Variants in ELAVL1 observed in about 807,000 individuals in gnomAD.
The protein encoded by ELAVL1 is ELAV-like protein 1.
Under a neutral mutation model 28.4 loss-of-function variants are expected in ELAVL1, and 1 was observed. The observed-to-expected ratio is 0.04, with a 90% confidence interval of 0.01 to 0.17. The LOEUF (loss-of-function observed/expected upper bound fraction) is 0.17. Ranked by LOEUF, ELAVL1 falls within the 10% of genes least tolerant of loss-of-function variation. ELAVL1 has a pLI of 1.00. For missense variants in ELAVL1, 157 were observed against 447.2 expected, an observed-to-expected ratio of 0.35 and a Z score of 5.85; for synonymous variants, 174 against 183.5, an observed-to-expected ratio of 0.95 and a Z score of 0.42.
chr19:7,999,622 G>C (rs2081060678), intron 1 of ELAVL1, among the ~76,000 whole-genome samples: 1 of 152,036 alleles, frequency 6.6e-6, no homozygotes, highest in African/African-American at 2.4e-5. Context: ...CTGGCTCTCA[G>C]ACCAGGCTGG....
chr19:7,978,118 G>A (rs935538719), intron 3 of ELAVL1, among the ~76,000 whole-genome samples: 4 of 152,226 alleles, frequency 2.6e-5, no homozygotes, highest in Non-Finnish European at 4.4e-5. Context: ...ATGGACCATG[G>A]GCCAGTGACC....
intron 2 of ELAVL1, among the ~76,000 whole-genome samples, chr19:7,987,272 G>A (rs899496937): frequency 6.6e-6 from 1 of 152,188 alleles, no homozygotes; most frequent in African/African-American, 2.4e-5. Context: ...GACAGAAGCC[G>A]TGAATGGGGC....
chr19:7,963,597 A>G lies in ELAVL1; in HGVS notation c.867T>C (p.Phe289=). 5.0e-6 allele frequency: 8 copies of G among 1,614,280 alleles called. No homozygotes were observed. The highest frequency in any genetic ancestry group is 6.8e-6 in the Non-Finnish European group (8 of 1,180,046). Residue 289 remains phenylalanine (F), a synonymous_variant, in exon 6 of 6, where the codon TTT becomes TTC. Transcript: ENST00000407627. This position sits in a 1 kb window ranked among gnomAD's most constrained non-coding sequence, Gnocchi z 4.5. The stretch of plus-strand genomic sequence containing the variant: ...CTTCTTCATAGTTTGTCATGGTCAC[A>G]AAGCCAAACCCTTTGCACTTGTTGG... The part of the protein sequence containing the change: ...FNTNKCKGFG[F]VTMTNYEEAA...
At chr19:7,978,845 G>A (rs1421022030) in intron 3 of ELAVL1, among the ~76,000 whole-genome samples, 3 of 152,174 alleles carry the variant, frequency 2.0e-5, no homozygotes, top group Admixed American at 6.5e-5. Context: ...GGTGACTGGT[G>A]TCAGAATAGA....
chr19:7,973,229 CT>C (rs758693392), intron 4 of ELAVL1: 1,969 of 139,588 alleles, frequency 0.014, 13 homozygotes, highest in Middle Eastern at 0.058. Flanking sequence ...TAATCCCCAG[CT>C]TTTTTTTTTT....
chr19:7,984,932 G>A (rs921807005), intron 2 of ELAVL1, among the ~76,000 whole-genome samples: 18 of 152,190 alleles, frequency 1.2e-4, no homozygotes, highest in Non-Finnish European at 2.2e-4. Context: ...GAGGTGGGGG[G>A]GTTGCCAGTT....
intron 2 of ELAVL1, among the ~76,000 whole-genome samples, chr19:7,984,782 G>C (rs541865743): frequency 2.6e-5 from 4 of 152,236 alleles, no homozygotes; most frequent in Non-Finnish European, 5.9e-5. Context: ...CGCTGGGTGA[G>C]GCCATCACTG....
intron 2 of ELAVL1, among the ~76,000 whole-genome samples, chr19:7,989,621 C>T (rs1050112281): frequency 2.6e-5 from 4 of 152,194 alleles, no homozygotes; most frequent in African/African-American, 9.7e-5. Context: ...AATTCCCTTC[C>T]ACCAGAAAGA....
At chr19:7,970,130 G>A (rs952817878) in intron 4 of ELAVL1, among the ~76,000 whole-genome samples, 1 of 151,956 alleles carries the variant, frequency 6.6e-6, no homozygotes, top group Non-Finnish European at 1.5e-5. Flanking sequence ...CTGCCACCAT[G>A]CCTGGCTAAT....
At chr19:7,971,097 T>C (rs953730653) in intron 4 of ELAVL1, among the ~76,000 whole-genome samples, 1 of 152,174 alleles carries the variant, frequency 6.6e-6, no homozygotes, top group South Asian at 2.1e-4. Context: ...TTAGGCCACC[T>C]TGAGGTTCAC....
intron 1 of ELAVL1, among the ~76,000 whole-genome samples, chr19:8,002,569 G>C (rs1407188176): frequency 1.3e-5 from 2 of 152,232 alleles, no homozygotes; most frequent in Non-Finnish European, 2.9e-5. Context: ...ACCTAGGGGC[G>C]CCAGCCGGGC....
chr19:7,976,340 T>C (rs1219938826), intron 3 of ELAVL1, among the ~76,000 whole-genome samples: 1 of 151,328 alleles, frequency 6.6e-6, no homozygotes, highest in Non-Finnish European at 1.5e-5. Flanking sequence ...AGGCGGAGCT[T>C]GCAGTGAGCC....
intron 1 of ELAVL1, among the ~76,000 whole-genome samples, chr19:7,999,765 G>A (rs559426617): frequency 6.6e-6 from 1 of 152,050 alleles, no homozygotes; most frequent in East Asian, 1.9e-4. Context: ...CCTCTATGTA[G>A]TTCTGTCTAA....
At chr19:7,973,656 G>A (rs112512787) in intron 4 of ELAVL1, 69 bp downstream of exon 4, 11 of 1,539,772 alleles carry the variant, frequency 7.1e-6, no homozygotes, top group African/African-American at 2.8e-5. Flanking sequence ...ACGGTGATCT[G>A]CCTTCCCTAG....
rs951771386 is a variant in ELAVL1, at chr19:7,979,767, G to A, written c.276+1316C>T. On this transcript the variant is annotated intron_variant, in intron 3 of 5. Transcript: ENST00000407627. The surrounding 1 kb of genome is among the most constrained non-coding windows in gnomAD (Gnocchi z 5.4). ...GCCCACTGCACACCACGTCCATGCGGCATGGGGCAGGTCTGGGAGAGCTGC... is the reference window on the plus strand; with the variant it reads ...GCCCACTGCACACCACGTCCATGCGACATGGGGCAGGTCTGGGAGAGCTGC... Among the ~76,000 whole-genome samples, 3 of 152,244 alleles carry A rather than the reference G, an allele frequency of 2.0e-5. No homozygotes were observed. Among genetic ancestry groups the A allele is most frequent in the Admixed American group, 6.5e-5 (1 of 15,286 alleles).
At chr19:7,972,872 CGCAATCTCGGCTTGCT>C (rs1280435881) in intron 4 of ELAVL1, 1 of 124,200 alleles carries the variant, frequency 8.1e-6, no homozygotes, top group African/African-American at 3.1e-5. Context: ...AGTTCAGTGG[CGCAATCTCGGCTTGCT>C]GCAATCTCCG....
At chr19:7,972,963 C>A (rs1046423596) in intron 4 of ELAVL1, 1 of 151,870 alleles carries the variant, frequency 6.6e-6, no homozygotes, top group African/African-American at 2.4e-5. Context: ...CAGGCGCCTG[C>A]CACCACACCT....
rs1490570564 is a variant in ELAVL1 at position 7,960,945 on chromosome 19, T to G, written c.*2538A>C. On this transcript the variant is annotated 3_prime_UTR_variant, in exon 6 of 6. Transcript: ENST00000407627. The stretch of plus-strand genomic sequence containing the variant: ...AGAGATTGCTTTTCAGGAGTGACAG[T>G]TGTTAAGCTAAATCCTTCCACAAGC... 6 of 152,166 alleles carry G rather than the reference T, an allele frequency of 3.9e-5. No individual in the cohort carries two copies. The highest frequency in any genetic ancestry group is 1.4e-4 in the African/African-American group (6 of 41,432). 9.4% of individuals were successfully genotyped at this position (152,166 alleles called of 1,614,324 possible). A position where few individuals can be genotyped will look rare whatever the true frequency, so the allele number is the denominator to read the frequency against.
In ELAVL1 at chr19:7,963,170, G is replaced by A; in HGVS notation, c.*313C>T. 1 of 325,344 alleles carries A rather than the reference G, an allele frequency of 3.1e-6. No individual in the cohort carries two copies. Among genetic ancestry groups the A allele is most frequent in the Non-Finnish European group, 5.7e-6 (1 of 174,414 alleles). The allele number at this position is 325,344 out of a possible 1,614,324, so 20.2% of individuals were successfully genotyped here. A position where few individuals can be genotyped will look rare whatever the true frequency, so the allele number is the denominator to read the frequency against. On this transcript the variant is annotated 3_prime_UTR_variant, in exon 6 of 6. Coordinates refer to ENST00000407627, the MANE Select transcript of ELAVL1 (RefSeq NM_001419.3). This position sits in a 1 kb window ranked among gnomAD's most constrained non-coding sequence, Gnocchi z 4.5. ...ATGAAACGCGTGTTAGACAGTCTTA[G>A]AGGTTAAAGCATGCTTCAGGTTCAC...
Sources: allele counts gnomAD v4.1 joint callset (sites outside exome capture counted in the v4.1 genomes callset), GRCh38; gene constraint gnomAD v4.1.1; non-coding constraint Gnocchi (gnomAD v3.1); transcripts MANE v1.5; gene names NCBI Gene and HGNC (gene_info 2026-07-23, HGNC 2026-07-21).